The following DCLK1 variants were observed in gnomAD, a reference collection of about 807,000 sequenced individuals.
DCLK1 encodes the protein doublecortin like kinase 1.
Under a neutral mutation model 86.2 loss-of-function variants are expected in DCLK1, and 16 were observed. That is an observed-to-expected ratio of 0.19 (90% CI 0.13 to 0.28). The LOEUF is 0.28. Among genes scored for constraint, DCLK1 ranks in the 10% least tolerant of loss-of-function variants. The pLI, the probability that DCLK1 is intolerant of heterozygous loss-of-function variation, is 1.00. For synonymous variants in DCLK1, 369 were observed against 370.5 expected, an observed-to-expected ratio of 1.00 and a Z score of 0.05; for missense variants, 590 against 940.2, an observed-to-expected ratio of 0.63 and a Z score of 4.87.
chr13:36,002,537 C>A (rs17789896), intron 3 of DCLK1, among the ~76,000 whole-genome samples: 54,834 of 152,014 alleles, frequency 0.36, 11,033 homozygotes, highest in Non-Finnish European at 0.44. Flanking sequence ...TTTGTTTCCA[C>A]TGAGGCATTT....
chr13:35,774,656 C>A lies in DCLK1; in HGVS notation c.2102G>T (p.Arg701Leu). ...DKERQVFRRR[R>L]NQDVRSRYKA... is the part of the protein sequence containing the mutation. ...GTACCGGCTCCTCACATCCTGGTTG[C>A]GTCTTCGTCGGAAAACCTGCCTCTC... is the stretch of plus-strand genomic sequence containing the variant. The change falls in exon 17 of 17, where the codon CGC becomes CTC. Residue 701 changes from arginine (R) to leucine (L), a missense_variant. Arg to Leu is a moderately radical substitution (Grantham distance 102). Coordinates refer to ENST00000360631, the MANE Select transcript of DCLK1 (RefSeq NM_001330071.2). 1.2e-6 allele frequency: 2 copies of A among 1,610,226 alleles called. No individual in the cohort carries two copies. Among genetic ancestry groups the A allele is most frequent in the Non-Finnish European group, 1.7e-6 (2 of 1,178,426 alleles).
At chr13:35,847,255 T>A (rs1009579405) in intron 6 of DCLK1, 3 of 985,314 alleles carry the variant, frequency 3.0e-6, no homozygotes, top group Non-Finnish European at 3.6e-6. Context: ...GCCATACCAG[T>A]TGAGCAAACT....
At chr13:36,029,122 T>C (rs1210131974) in intron 3 of DCLK1, among the ~76,000 whole-genome samples, 2 of 152,216 alleles carry the variant, frequency 1.3e-5, no homozygotes, top group Non-Finnish European at 2.9e-5. Context: ...TCACCTCGAA[T>C]TCATTCTTGT....
chr13:35,958,130 T>C (rs985964981), intron 3 of DCLK1, among the ~76,000 whole-genome samples: 10 of 15,808 alleles, frequency 6.3e-4, no homozygotes, highest in South Asian at 2.0e-3. Context: ...CCACTACCAC[T>C]ACTATAACCA....
At chr13:35,952,051 T>C (rs1316903782) in intron 3 of DCLK1, among the ~76,000 whole-genome samples, 1 of 152,182 alleles carries the variant, frequency 6.6e-6, no homozygotes, top group Non-Finnish European at 1.5e-5. Context: ...GTTTATCATA[T>C]CAGTTGTTTC....
chr13:35,931,024 T>C (rs1031677900), intron 4 of DCLK1, among the ~76,000 whole-genome samples: 1 of 152,230 alleles, frequency 6.6e-6, no homozygotes, highest in Non-Finnish European at 1.5e-5. Flanking sequence ...TAACTGTTTG[T>C]TAACCAGCTG....
At chr13:36,101,276 G>A (rs900834422) in intron 3 of DCLK1, among the ~76,000 whole-genome samples, 17 of 152,138 alleles carry the variant, frequency 1.1e-4, no homozygotes, top group East Asian at 3.9e-4. Context: ...TTTAACCTAC[G>A]TTTATTCTCC....
At chr13:36,007,348 T>C (rs896226170) in intron 3 of DCLK1, among the ~76,000 whole-genome samples, 1 of 152,214 alleles carries the variant, frequency 6.6e-6, no homozygotes, top group African/African-American at 2.4e-5. Context: ...AATTTGAGTG[T>C]TCTAGAATAG....
intron 3 of DCLK1, among the ~76,000 whole-genome samples, chr13:36,082,424 G>A (rs115519037): frequency 1.4e-3 from 217 of 152,276 alleles, no homozygotes; most frequent in African/African-American, 5.0e-3. Context: ...GTCAACAGTA[G>A]GCTATTAGTA....
At position 35,770,753 on chromosome 13, in the gene DCLK1, T is replaced by G. The variant is rs2086316900; in HGVS notation, c.*3782A>C. Reference sequence around the variant, plus strand: ...TGCGAATGAGTAACTACATTAAAACTACCATCTTGGATCTTGGTGCTTTCC... The same window carrying G: ...TGCGAATGAGTAACTACATTAAAACGACCATCTTGGATCTTGGTGCTTTCC... On this transcript the variant is annotated 3_prime_UTR_variant, in exon 17 of 17. Transcript: ENST00000360631. 6.6e-6 allele frequency: 1 copy of G among 152,342 alleles called. No individual in the cohort carries two copies. Among genetic ancestry groups the G allele is most frequent in the Admixed American group, 6.5e-5 (1 of 15,306 alleles). The allele number at this position is 152,342 out of a possible 1,614,324, so 9.4% of individuals were successfully genotyped here.
At position 35,769,002 on chromosome 13, in the gene DCLK1, T is replaced by C. The variant is rs570742024; in HGVS notation, c.*5533A>G. On this transcript the variant is annotated 3_prime_UTR_variant, in exon 17 of 17. Transcript: ENST00000360631. ...GTAGTTCATACACCAAGTACTATTA[T>C]TTTATTAACTTTAAGAACATGTTTT... 6.6e-6 allele frequency: 1 copy of C among 152,340 alleles called. No individual in the cohort carries two copies. The highest frequency in any genetic ancestry group is 2.4e-5 in the African/African-American group (1 of 41,580). The allele number at this position is 152,340 out of a possible 1,614,324, so 9.4% of individuals were successfully genotyped here. A position where few individuals can be genotyped will look rare whatever the true frequency, so the allele number is the denominator to read the frequency against.
At chr13:36,129,234 G>C (rs918249021) in intron 1 of DCLK1, among the ~76,000 whole-genome samples, 1 of 152,178 alleles carries the variant, frequency 6.6e-6, no homozygotes, top group Admixed American at 6.5e-5. Flanking sequence ...CAAATAATTT[G>C]GCAATAGTTA....
At chr13:35,941,632 G>A (rs570612913) in intron 4 of DCLK1, among the ~76,000 whole-genome samples, 4 of 152,088 alleles carry the variant, frequency 2.6e-5, no homozygotes, top group South Asian at 4.2e-4. Context: ...CGCACGCTGC[G>A]TCTCAAAAGT....
Position 36,076,727 on chromosome 13 carries a change from C to G in DCLK1, c.723+35142G>C, listed in dbSNP as rs114255653. Reference sequence around the variant, plus strand: ...AGAAGAGAAGTTCCGATTGCACCCGCCACCTAGTACTGATGTGGGTAATAT... The same window carrying G: ...AGAAGAGAAGTTCCGATTGCACCCGGCACCTAGTACTGATGTGGGTAATAT... On this transcript the variant is annotated intron_variant, in intron 3 of 16. Transcript: ENST00000360631. Among the ~76,000 whole-genome samples, 906 of 152,256 alleles carry G rather than the reference C, an allele frequency of 6.0e-3. 8 individuals are homozygous for G. Among genetic ancestry groups the G allele is most frequent in the African/African-American group, 0.021 (853 of 41,548 alleles).
At chr13:35,793,615 C>T in intron 15 of DCLK1, 136 bp from the exon 16 acceptor site, 1 of 579,398 alleles carries the variant, frequency 1.7e-6, no homozygotes, top group Admixed American at 3.3e-5. Context: ...AATGTCTACT[C>T]ATTAAACACT....
intron 3 of DCLK1, among the ~76,000 whole-genome samples, chr13:36,008,087 A>G (rs564938271): frequency 6.7e-6 from 1 of 149,608 alleles, no homozygotes; most frequent in Non-Finnish European, 1.5e-5. Context: ...ATCATTTCCA[A>G]TCACTTAACT....
chr13:36,042,405 C>T (rs1882730374), intron 3 of DCLK1, among the ~76,000 whole-genome samples: 1 of 152,150 alleles, frequency 6.6e-6, no homozygotes, highest in Non-Finnish European at 1.5e-5. Context: ...GAAACCACCA[C>T]CTAAATTTAG....
intron 4 of DCLK1, among the ~76,000 whole-genome samples, chr13:35,914,391 A>G (rs866642940): frequency 1.4e-4 from 20 of 141,264 alleles, no homozygotes; most frequent in Middle Eastern, 3.7e-3. Context: ...ATATATATAT[A>G]AGCAAAATTA....
Position 35,909,998 on chromosome 13 carries a change from C to A in DCLK1, c.823+37360G>T, listed in dbSNP as rs138739836. ...CACCTGTCATTTTGCTAAAGACACCCGCATCCATCCGCTTTGCTTCTCCTT... is the reference window on the plus strand; with the variant it reads ...CACCTGTCATTTTGCTAAAGACACCAGCATCCATCCGCTTTGCTTCTCCTT... On this transcript the variant is annotated intron_variant, in intron 4 of 16. Coordinates refer to ENST00000360631, the MANE Select transcript of DCLK1 (RefSeq NM_001330071.2). Among the ~76,000 whole-genome samples, 580 of 152,234 alleles carry A rather than the reference C, an allele frequency of 3.8e-3. 4 individuals are homozygous for A. Among genetic ancestry groups the A allele is most frequent in the African/African-American group, 0.013 (521 of 41,526 alleles).
Sources: gnomAD v4.1 joint callset for allele counts (sites outside exome capture counted in the v4.1 genomes callset) on GRCh38, gnomAD v4.1.1 for gene constraint, MANE v1.5 for transcripts, NCBI Gene and HGNC (gene_info 2026-07-23, HGNC 2026-07-21) for gene names.